The following DACT1 variants were observed in gnomAD, a reference collection of about 807,000 sequenced individuals.
The protein encoded by DACT1 is dapper homolog 1.
DACT1 carries 19 observed loss-of-function variants against 35.3 expected under a neutral mutation model. That is an observed-to-expected ratio of 0.54 (90% CI 0.38 to 0.79). The LOEUF is 0.79. Among genes scored for constraint, DACT1 ranks in the 30% least tolerant of loss-of-function variants. DACT1 has a pLI of 0.00. For synonymous variants in DACT1, 545 were observed against 466.7 expected, an observed-to-expected ratio of 1.17 and a Z score of -2.16; for missense variants, 1,143 against 1,057.5, an observed-to-expected ratio of 1.08 and a Z score of -1.12.
Position 58,638,178 on chromosome 14 carries a change from G to C in DACT1, c.-25G>C, listed in dbSNP as rs1456947643. On this transcript the variant is annotated 5_prime_UTR_variant, in exon 1 of 4. Coordinates refer to ENST00000395153, the MANE Select transcript of DACT1 (RefSeq NM_001079520.2). Reference sequence around the variant, plus strand: ...GCCTGGGCGGCCCGGCTGCGGTGACGGCTCTCGCTGCCCGACTGGGGGCCA... The same window carrying C: ...GCCTGGGCGGCCCGGCTGCGGTGACCGCTCTCGCTGCCCGACTGGGGGCCA... The C allele has an allele frequency of 7.8e-7, 1 of 1,283,816 alleles. No homozygotes were observed. The highest frequency in any genetic ancestry group is 9.8e-7 in the Non-Finnish European group (1 of 1,016,762). The allele number at this position is 1,283,816 out of a possible 1,614,324, so 79.5% of individuals were successfully genotyped here.
rs374542954 is a variant in DACT1, at chr14:58,645,311, G to A, written c.635-58G>A. ...AGGCCACTGTGAAGACCAGGCCTCA[G>A]GGGCAGTTTGCCGTTCCCTCTCCAC... On this transcript the variant is annotated intron_variant, in intron 3 of 3. Coordinates refer to ENST00000395153, the MANE Select transcript of DACT1 (RefSeq NM_001079520.2). 1.2e-6 allele frequency: 2 copies of A among 1,614,064 alleles called. No homozygotes were observed. The highest frequency in any genetic ancestry group is 2.7e-5 in the African/African-American group (2 of 74,902).
Position 58,646,645 on chromosome 14 carries a change from T to C in DACT1, c.1911T>C (p.Thr637=). The change falls in exon 4 of 4, where the codon ACT becomes ACC. Residue 637 remains threonine (T), a synonymous_variant. Coordinates refer to ENST00000395153, the MANE Select transcript of DACT1 (RefSeq NM_001079520.2). ...TGGCCAAACCTAAGCACAAGCGAAC[T>C]GACTACCGGCGGTGGAAGTCCTCGG... ...AVVAKPKHKR[T]DYRRWKSSAE... is the part of the protein sequence containing the mutation. The C allele has an allele frequency of 6.2e-7, 1 of 1,612,430 alleles. No homozygotes were observed. The highest frequency in any genetic ancestry group is 8.5e-7 in the Non-Finnish European group (1 of 1,179,612).
rs1287782057 is a variant in DACT1 at position 58,645,666 on chromosome 14, A to G, written c.932A>G (p.Lys311Arg). The change falls in exon 4 of 4, where the codon AAA becomes AGA. Residue 311 changes from lysine to arginine, a missense_variant. Physicochemically the swap from Lys to Arg is conservative, Grantham distance 26. Transcript: ENST00000395153. ...MDGYILSLVQKKTHPVRTNKP... is the reference protein window; with the variant it reads ...MDGYILSLVQRKTHPVRTNKP... ...GGCTACATTCTGAGCCTGGTCCAGAAAAAAACACACCCTGTAAGGACCAAC... is the reference window on the plus strand; with the variant it reads ...GGCTACATTCTGAGCCTGGTCCAGAGAAAAACACACCCTGTAAGGACCAAC... 1.2e-6 allele frequency: 2 copies of G among 1,614,152 alleles called. No individual in the cohort carries two copies. The highest frequency in any genetic ancestry group is 2.2e-5 in the South Asian group (2 of 91,086).
At chr14:58,634,163 C>T (rs572058432), upstream of DACT1, 3 of 152,352 alleles carry the variant, frequency 2.0e-5, no homozygotes, top group African/African-American at 4.8e-5. Context: ...ACCTCTTTAA[C>T]AGCACTAAAA....
chr14:58,637,699 G>C (rs896618240), upstream of DACT1, among the ~76,000 whole-genome samples: 2 of 152,100 alleles, frequency 1.3e-5, no homozygotes, highest in Admixed American at 1.3e-4. Flanking sequence ...AGCCAATGAG[G>C]AGCGAGGGCA....
intron 3 of DACT1, among the ~76,000 whole-genome samples, chr14:58,644,893 G>A (rs2047658359): frequency 1.3e-5 from 2 of 152,186 alleles, no homozygotes; most frequent in African/African-American, 4.8e-5. Flanking sequence ...ATCTTGGTGT[G>A]CTTCATCTCA....
upstream of DACT1, among the ~76,000 whole-genome samples, chr14:58,634,803 G>A (rs910691988): frequency 6.6e-6 from 1 of 152,208 alleles, no homozygotes; most frequent in African/African-American, 2.4e-5. Context: ...TCAGACTTTG[G>A]TGGGGGTGCT....
rs938105703 is a variant in DACT1, at chr14:58,638,788, G to A, written c.345+241G>A. Reference sequence around the variant, plus strand: ...TGTCTGGCGACCTCGCGCGGATTGCGGGAAGGGGGTGGCCGCTCTTCCCTC... The same window carrying A: ...TGTCTGGCGACCTCGCGCGGATTGCAGGAAGGGGGTGGCCGCTCTTCCCTC... On this transcript the variant is annotated intron_variant, in intron 1 of 3. Coordinates refer to ENST00000395153, the MANE Select transcript of DACT1 (RefSeq NM_001079520.2). 6.7e-6 allele frequency: 8 copies of A among 1,189,554 alleles called. No homozygotes were observed. The East Asian group carries it at 2.5e-4, about 36-fold the overall frequency. 73.7% of individuals were successfully genotyped at this position (1,189,554 alleles called of 1,614,324 possible). A position where few individuals can be genotyped will look rare whatever the true frequency, so the allele number is the denominator to read the frequency against.
chr14:58,646,602 A>T lies in DACT1; in HGVS notation c.1868A>T (p.His623Leu). The change falls in exon 4 of 4, where the codon CAC becomes CTC. Residue 623 changes from histidine to leucine, a missense_variant. His to Leu is a moderately conservative substitution (Grantham distance 99, BLOSUM62 -3). Transcript: ENST00000395153. ...GHRAGSRAHG[H>L]GREAVVAKPK... ...AGGGCGGGGAGCAGGGCGCATGGCC[A>T]CGGACGGGAGGCGGTGGTGGCCAAA... 2 of 1,597,722 alleles carry T rather than the reference A, an allele frequency of 1.3e-6. No individual in the cohort carries two copies. Among genetic ancestry groups the T allele is most frequent in the South Asian group, 2.2e-5 (2 of 89,118 alleles).
upstream of DACT1, among the ~76,000 whole-genome samples, chr14:58,637,781 G>GGCGAGGAGGGGCGGGGAGGGCCGA: frequency 6.6e-6 from 1 of 151,938 alleles, no homozygotes; most frequent in African/African-American, 2.4e-5. Flanking sequence ...GGCGGGGAGG[G>GGCGAGGAGGGGCGGGGAGGGCCGA]GCGAGGAGGG....
At chr14:58,640,286 ACT>A (rs2047614891) in intron 1 of DACT1, among the ~76,000 whole-genome samples, 1 of 152,088 alleles carries the variant, frequency 6.6e-6, no homozygotes, top group South Asian at 2.1e-4. Context: ...AGAAAACAAA[ACT>A]CTGCAGGCCA....
rs373513248 is a variant in DACT1, at chr14:58,647,125, G to A, written c.2391G>A (p.Thr797=). 6.2e-6 allele frequency: 10 copies of A among 1,613,582 alleles called. No individual in the cohort carries two copies. The highest frequency in any genetic ancestry group is 1.7e-5 in the Admixed American group (1 of 59,898). The change falls in exon 4 of 4, where the codon ACG becomes ACA. Residue 797 remains threonine, a synonymous_variant. Transcript: ENST00000395153. Reference sequence around the variant, plus strand: ...GGTCTGGCTCTTTGAAACTGATGACGACGGTTTGAGTGACATCATTGGTGT... The same window carrying A: ...GGTCTGGCTCTTTGAAACTGATGACAACGGTTTGAGTGACATCATTGGTGT... ...RFRSGSLKLM[T]TV
chr14:58,645,219 A>C, intron 3 of DACT1, 150 bp from the exon 4 acceptor site: 1 of 1,542,778 alleles, frequency 6.5e-7, no homozygotes, highest in Non-Finnish European at 8.9e-7. Context: ...GGTGCTGACC[A>C]ATTCATTTCT....
At position 58,644,855 on chromosome 14, in the gene DACT1, C is replaced by G. The variant is rs540956473; in HGVS notation, c.635-514C>G. 3.9e-5 allele frequency among the ~76,000 whole-genome samples: 6 copies of G among 152,346 alleles called. No individual in the cohort carries two copies. The East Asian group carries it at 1.2e-3, about 29-fold the overall frequency. On this transcript the variant is annotated intron_variant, in intron 3 of 3. Coordinates refer to ENST00000395153, the MANE Select transcript of DACT1 (RefSeq NM_001079520.2). ...AGAAGAAAGTAAATATCACTTACTT[C>G]TGATCATTCTGAAATACTACTACTA...
chr14:58,640,882 C>T lies in DACT1; in HGVS notation c.478+14C>T. 1 of 1,613,996 alleles carries T rather than the reference C, an allele frequency of 6.2e-7. No homozygotes were observed. Among genetic ancestry groups the T allele is most frequent in the Non-Finnish European group, 8.5e-7 (1 of 1,179,944 alleles). ...GGCCTAGCTCAGGTGAGTGATTGAG[C>T]ACAAGGACAGAATTCTGCACTCTTG... On this transcript the variant is annotated intron_variant, in intron 2 of 3. Transcript: ENST00000395153.
intron 3 of DACT1, 29 bp from the exon 4 acceptor site, chr14:58,645,340 A>G (rs2047662920): frequency 6.2e-7 from 1 of 1,614,068 alleles, no homozygotes; most frequent in Non-Finnish European, 8.5e-7. Context: ...TCTCCACACC[A>G]CAATTTAATT....
At chr14:58,634,898 A>T (rs1377717022), upstream of DACT1, among the ~76,000 whole-genome samples, 1 of 152,226 alleles carries the variant, frequency 6.6e-6, no homozygotes. Flanking sequence ...AAAGATCTTC[A>T]AGCATAAGTT....
chr14:58,638,155 C>T lies in DACT1; in HGVS notation c.-48C>T. ...CAGCCCTAGCGCCCTGCTCCTCCGC[C>T]TGGGCGGCCCGGCTGCGGTGACGGC... On this transcript the variant is annotated 5_prime_UTR_variant, in exon 1 of 4. Coordinates refer to ENST00000395153, the MANE Select transcript of DACT1 (RefSeq NM_001079520.2). The T allele has an allele frequency of 7.9e-7, 1 of 1,262,126 alleles. No homozygotes were observed. The highest frequency in any genetic ancestry group is 1.0e-6 in the Non-Finnish European group (1 of 1,004,056). 78.2% of individuals were successfully genotyped at this position (1,262,126 alleles called of 1,614,324 possible).
rs372840266 is a variant in DACT1 at position 58,645,937 on chromosome 14, C to T, written c.1203C>T (p.Gly401=). The T allele has an allele frequency of 1.2e-6, 2 of 1,613,908 alleles. No individual in the cohort carries two copies. The highest frequency in any genetic ancestry group is 1.7e-6 in the Non-Finnish European group (2 of 1,180,032). Residue 401 remains glycine, a synonymous_variant, in exon 4 of 4, where the codon GGC becomes GGT. Coordinates refer to ENST00000395153, the MANE Select transcript of DACT1 (RefSeq NM_001079520.2). ...GCAAGAGGGTGCCCCTGCCAGAGGG[C>T]TGCCCCTCAGGCGCTGCCTCCGACC... is the stretch of plus-strand genomic sequence containing the variant. ...AESKRVPLPE[G]CPSGAASDLQ...
Sources: allele counts gnomAD v4.1 joint callset (sites outside exome capture counted in the v4.1 genomes callset), GRCh38; gene constraint gnomAD v4.1.1; transcripts MANE v1.5; gene names NCBI Gene and HGNC (gene_info 2026-07-23, HGNC 2026-07-21).